LOC128092252: variants seen among roughly 807,000 people sequenced by gnomAD.
chr15:50,662,528 T>C, the LOC128092252 span, among the ~76,000 whole-genome samples: 3 of 152,204 alleles, frequency 2.0e-5, no homozygotes, highest in African/African-American at 4.8e-5. Flanking sequence ...TATCTATATA[T>C]TGGCAAACAA....
chr15:50,649,397 G>A, the LOC128092252 span, among the ~76,000 whole-genome samples: 7 of 150,116 alleles, frequency 4.7e-5, 1 homozygote, highest in Admixed American at 4.7e-4. Context: ...TCACACCACT[G>A]TGCTCCATCC....
the LOC128092252 span, among the ~76,000 whole-genome samples, chr15:50,666,157 TTC>T: frequency 6.6e-6 from 1 of 151,968 alleles, no homozygotes; most frequent in African/African-American, 2.4e-5. Flanking sequence ...TAAAAGTTGG[TTC>T]TTAGGTTAAC....
the LOC128092252 span, among the ~76,000 whole-genome samples, chr15:50,682,196 T>C: frequency 3.4e-5 from 2 of 58,824 alleles, no homozygotes; most frequent in Admixed American, 1.7e-4. Flanking sequence ...AAAAAAGGAC[T>C]GTGACCTGGC....
chr15:50,686,598 C>A, the LOC128092252 span: 2 of 1,596,682 alleles, frequency 1.3e-6, no homozygotes, highest in Non-Finnish European at 8.5e-7. Context: ...CGGCCTGTAG[C>A]CATCTATCGG....
chr15:50,677,078 A>T, the LOC128092252 span, among the ~76,000 whole-genome samples: 2 of 152,300 alleles, frequency 1.3e-5, no homozygotes, highest in East Asian at 3.9e-4. Flanking sequence ...ACTTGGTGGG[A>T]TAACAACTGA....
the LOC128092252 span, among the ~76,000 whole-genome samples, chr15:50,654,995 C>G: frequency 3.5e-5 from 4 of 115,022 alleles, no homozygotes; most frequent in Admixed American, 1.9e-4. Context: ...AGTGACACTC[C>G]GTCTCAAAAA....
the LOC128092252 span, among the ~76,000 whole-genome samples, chr15:50,667,165 C>T: frequency 6.6e-6 from 1 of 152,092 alleles, no homozygotes; most frequent in Non-Finnish European, 1.5e-5. Context: ...TGGGGAAATA[C>T]ACAGCTCTCT....
the LOC128092252 span, among the ~76,000 whole-genome samples, chr15:50,650,036 AC>A: frequency 6.6e-6 from 1 of 151,814 alleles, no homozygotes; most frequent in African/African-American, 2.4e-5. Flanking sequence ...TACTAAAAAT[AC>A]AAAAAATTAG....
At chr15:50,686,417 G>A in the LOC128092252 span, 1 of 1,563,960 alleles carries the variant, frequency 6.4e-7, no homozygotes, top group Non-Finnish European at 8.8e-7. Flanking sequence ...AAGGCAATTC[G>A]AGGGTCCTTC....
chr15:50,682,520 G>A, the LOC128092252 span, among the ~76,000 whole-genome samples: 3 of 150,532 alleles, frequency 2.0e-5, no homozygotes, highest in South Asian at 6.3e-4. Flanking sequence ...AGGTTGCAGT[G>A]AGCCAAGATC....
the LOC128092252 span, chr15:50,657,796 C>T: frequency 6.2e-7 from 1 of 1,611,538 alleles, no homozygotes; most frequent in Non-Finnish European, 8.5e-7. Flanking sequence ...GAGTTGCTGA[C>T]AAATTTGACA....
chr15:50,666,786 GA>G, the LOC128092252 span, among the ~76,000 whole-genome samples: 1 of 151,860 alleles, frequency 6.6e-6, no homozygotes, highest in East Asian at 1.9e-4. Flanking sequence ...TGGGCAACAA[GA>G]GCAAAAACTG....
the LOC128092252 span, among the ~76,000 whole-genome samples, chr15:50,679,236 G>C: frequency 1.3e-5 from 2 of 151,104 alleles, no homozygotes; most frequent in African/African-American, 4.9e-5. Flanking sequence ...TTGGGAGGCT[G>C]AAGTGGCAGG....
At chr15:50,649,014 A>G in the LOC128092252 span, 1 of 601,572 alleles carries the variant, frequency 1.7e-6, no homozygotes, top group South Asian at 3.7e-5. Context: ...TATAAAAATA[A>G]GCTTTTTGAT....
the LOC128092252 span, among the ~76,000 whole-genome samples, chr15:50,676,303 A>T: frequency 6.6e-6 from 1 of 151,682 alleles, no homozygotes; most frequent in Admixed American, 6.6e-5. Flanking sequence ...TGGAAATCAA[A>T]TTTTTTTTTA....
At chr15:50,660,737 G>A in the LOC128092252 span, among the ~76,000 whole-genome samples, 2 of 152,118 alleles carry the variant, frequency 1.3e-5, no homozygotes, top group African/African-American at 4.8e-5. Context: ...CAGTAAAGGA[G>A]ACAATCTCAT....
chr15:50,681,946 CTGAGGTGGATCACT>C, the LOC128092252 span, among the ~76,000 whole-genome samples: 3 of 152,080 alleles, frequency 2.0e-5, no homozygotes, highest in African/African-American at 7.2e-5. Flanking sequence ...CTTTGGGAGG[CTGAGGTGGATCACT>C]TGAGGTCAGG....
the LOC128092252 span, among the ~76,000 whole-genome samples, chr15:50,679,938 T>C: frequency 1.3e-5 from 2 of 152,178 alleles, no homozygotes; most frequent in South Asian, 4.1e-4. Context: ...TCTGCACTTG[T>C]CAAAATAAAA....
At chr15:50,666,427 TGA>T in the LOC128092252 span, among the ~76,000 whole-genome samples, 2 of 146,206 alleles carry the variant, frequency 1.4e-5, no homozygotes, top group Non-Finnish European at 3.0e-5. Context: ...GGTGACAGAA[TGA>T]GAGAAGGGAG....
Sources: gnomAD v4.1 joint callset for allele counts (sites outside exome capture counted in the v4.1 genomes callset) on GRCh38, gnomAD v4.1.1 for gene constraint, MANE v1.5 for transcripts.